PGK1: variants seen among roughly 807,000 people sequenced by gnomAD.
PGK1 encodes the protein PRP 2.
In PGK1, 3 loss-of-function variants were observed where a neutral mutation model predicts 26.9. That is an observed-to-expected ratio of 0.11 (90% CI 0.05 to 0.29). The LOEUF (loss-of-function observed/expected upper bound fraction) is 0.29, where lower values mean the gene tolerates loss of function less well. Ranked by LOEUF, PGK1 falls within the 10% of genes least tolerant of loss-of-function variation. The pLI, the probability that PGK1 is intolerant of heterozygous loss-of-function variation, is 1.00. For synonymous variants in PGK1, 125 were observed against 115.3 expected, an observed-to-expected ratio of 1.08 and a Z score of -0.54; for missense variants, 270 against 314.7, an observed-to-expected ratio of 0.86 and a Z score of 1.07.
chrX:78,125,439 G>GT lies in PGK1; in HGVS notation c.1213+20dup. On this transcript the variant is annotated intron_variant, in intron 10 of 10. Coordinates refer to ENST00000373316, the MANE Select transcript of PGK1 (RefSeq NM_000291.4). Reference sequence around the variant, plus strand: ...AGCTCCTGGAAGGTGAGGGTCTTCTGTTTTTTGGCTTGTTTGGGATAAGGG... The same window carrying GT: ...AGCTCCTGGAAGGTGAGGGTCTTCTGTTTTTTTGGCTTGTTTGGGATAAGGG... The GT allele has an allele frequency of 1.8e-6, 2 of 1,121,795 alleles. No individual in the cohort carries two copies. The highest frequency in any genetic ancestry group is 1.2e-6 in the Non-Finnish European group (1 of 813,744). The allele number at this position is 1,121,795 out of a possible 1,213,427, so 92.4% of individuals were successfully genotyped here.
In PGK1 at chrX:78,113,982, C is replaced by T. The variant is rs181866014; in HGVS notation, c.273-34C>T. 734 of 1,206,974 alleles carry T rather than the reference C, an allele frequency of 6.1e-4. 1 individual carries two copies. The highest frequency in any genetic ancestry group is 8.3e-4 in the Admixed American group (38 of 45,714). On this transcript the variant is annotated intron_variant, in intron 3 of 10. Coordinates refer to ENST00000373316, the MANE Select transcript of PGK1 (RefSeq NM_000291.4). ...TTGTTACTGGTTTTTAACTTTCATA[C>T]TGCTCAAGTGTCTTCATCTCTTCCT...
chrX:78,117,507 A>G, intron 5 of PGK1, 92 bp downstream of exon 5: 1 of 596,529 alleles, frequency 1.7e-6, no homozygotes, highest in African/African-American at 2.2e-5. Flanking sequence ...AGAGTTTTGT[A>G]TTATACTGTA....
intron 2 of PGK1, among the ~76,000 whole-genome samples, chrX:78,111,598 C>A (rs888591500): frequency 1.8e-5 from 2 of 112,206 alleles, no homozygotes; most frequent in African/African-American, 6.5e-5. Context: ...TCAACAGACA[C>A]ACATGACTAA....
At chrX:78,109,739 T>C in intron 1 of PGK1, 128 bp from the exon 2 acceptor site, 1 of 548,370 alleles carries the variant, frequency 1.8e-6, no homozygotes, top group South Asian at 2.4e-5. Context: ...TTTTGACTTT[T>C]AATGCCACTG....
chrX:78,121,801 C>T (rs1187566398), intron 6 of PGK1, among the ~76,000 whole-genome samples: 1 of 112,082 alleles, frequency 8.9e-6, no homozygotes, highest in Non-Finnish European at 1.9e-5. Context: ...TTTCTGTTGC[C>T]TTTGCCCTGT....
At chrX:78,106,744 G>C (rs782541119) in intron 1 of PGK1, 19 of 367,967 alleles carry the variant, frequency 5.2e-5, no homozygotes, top group Non-Finnish European at 6.6e-5. Context: ...GGACTCCGCA[G>C]TTGACTTTAC....
rs1557248755 is a variant in PGK1, at chrX:78,126,782, T to TC, written c.*952_*953insC. On this transcript the variant is annotated 3_prime_UTR_variant, in exon 11 of 11. Transcript: ENST00000373316. ...TTAGATCAAAAGTCTACATAACTAA[T>TC]ACAGCTGAGCTATGTAGTATGCTAT... 9.0e-6 allele frequency: 1 copy of TC among 111,063 alleles called. No individual in the cohort carries two copies. Among genetic ancestry groups the TC allele is most frequent in the African/African-American group, 3.3e-5 (1 of 30,438 alleles). 9.2% of individuals were successfully genotyped at this position (111,063 alleles called of 1,213,427 possible).
rs2078381188 is a variant in PGK1, at chrX:78,125,920, T to C, written c.*90T>C. 1 of 768,550 alleles carries C rather than the reference T, an allele frequency of 1.3e-6. No individual in the cohort carries two copies. Among genetic ancestry groups the C allele is most frequent in the Non-Finnish European group, 2.0e-6 (1 of 492,120 alleles). 63.3% of individuals were successfully genotyped at this position (768,550 alleles called of 1,213,427 possible). On this transcript the variant is annotated 3_prime_UTR_variant, in exon 11 of 11. Coordinates refer to ENST00000373316, the MANE Select transcript of PGK1 (RefSeq NM_000291.4). ...ACTTGGCATTAGCTAAAACCTTCCA[T>C]GTCAAGATTCAGCTAGTGGCCAAGA...
chrX:78,113,891 G>A lies in PGK1; in HGVS notation c.264G>A (p.Leu88=), dbSNP rs782045605. 3.3e-6 allele frequency: 4 copies of A among 1,211,673 alleles called. No individual in the cohort carries two copies. In the Admixed American group the frequency reaches 8.7e-5, roughly 26 times the overall value. ...LEPVAVELKS[L]LGKDVLFLKD... ...CAGTTGCTGTAGAACTCAAATCTCT[G>A]CTGGGCAAGTAAGTGCCAGGCTCTG... The change falls in exon 3 of 11, where the codon CTG becomes CTA. Residue 88 remains leucine (L), a synonymous_variant. Transcript: ENST00000373316.
intron 2 of PGK1, among the ~76,000 whole-genome samples, chrX:78,111,994 T>C (rs938281527): frequency 8.9e-6 from 1 of 112,274 alleles, no homozygotes; most frequent in African/African-American, 3.2e-5. Flanking sequence ...GGAGTTCTTA[T>C]ATCTGCTAAA....
At chrX:78,122,790 C>G (rs782288498) in intron 6 of PGK1, 45 bp from the exon 7 acceptor site, 1 of 733,047 alleles carries the variant, frequency 1.4e-6, no homozygotes, top group East Asian at 3.2e-5. Flanking sequence ...TACCACTTCT[C>G]TAGTCCATTC....
rs183250375 is a variant in PGK1 at position 78,107,486 on chromosome X, A to G, written c.66-2381A>G. ...AAAAATACTATACAGATTGAATCACATGGTATATAACCTTTTGGGATTAAC... is the reference window on the plus strand; with the variant it reads ...AAAAATACTATACAGATTGAATCACGTGGTATATAACCTTTTGGGATTAAC... On this transcript the variant is annotated intron_variant, in intron 1 of 10. Transcript: ENST00000373316. 1.0e-3 allele frequency among the ~76,000 whole-genome samples: 116 copies of G among 112,257 alleles called. No homozygotes were observed. In the Middle Eastern group the frequency reaches 0.014, roughly 13 times the overall value.
chrX:78,117,263 T>C (rs2078331067), intron 4 of PGK1, 49 bp from the exon 5 acceptor site: 1 of 858,952 alleles, frequency 1.2e-6, no homozygotes, highest in African/African-American at 2.0e-5. Flanking sequence ...AATGCTTTTA[T>C]AGTTGTCTTT....
chrX:78,123,600 T>C (rs1196139358), intron 8 of PGK1, among the ~76,000 whole-genome samples: 2 of 106,586 alleles, frequency 1.9e-5, no homozygotes, highest in Non-Finnish European at 3.9e-5. Flanking sequence ...TGCAAAACTT[T>C]GTTGTTGTTG....
intron 8 of PGK1, among the ~76,000 whole-genome samples, chrX:78,123,609 T>TG (rs1557248296): frequency 9.5e-6 from 1 of 104,864 alleles, no homozygotes; most frequent in Non-Finnish European, 2.0e-5. Context: ...TTGTTGTTGT[T>TG]GTTTTTTTTT....
intron 1 of PGK1, 54 bp from the exon 2 acceptor site, chrX:78,109,813 C>G (rs1603396695): frequency 1.2e-6 from 1 of 822,219 alleles, no homozygotes; most frequent in Non-Finnish European, 1.9e-6. Flanking sequence ...AATGCATCTC[C>G]TAGTCTTTGA....
In PGK1 at chrX:78,123,184, C is replaced by A; in HGVS notation, c.757-11C>A. The A allele has an allele frequency of 8.3e-7, 1 of 1,199,265 alleles. No homozygotes were observed. The highest frequency in any genetic ancestry group is 1.7e-5 in the African/African-American group (1 of 57,515). ...GATGCTGACCTCCATCATTTTGGCT[C>A]CCCTGTGTAGATTGGCACTTCTCTG... On this transcript the variant is annotated splice_polypyrimidine_tract_variant and intron_variant, in intron 7 of 10. Transcript: ENST00000373316.
intron 4 of PGK1, 122 bp downstream of exon 4, chrX:78,114,282 C>G (rs2078315840): frequency 1.4e-6 from 1 of 706,151 alleles, no homozygotes; most frequent in African/African-American, 2.1e-5. Flanking sequence ...GCATACAATG[C>G]CGACACAGCT....
At chrX:78,117,188 TAA>T in intron 4 of PGK1, 122 bp from the exon 5 acceptor site, 1 of 529,970 alleles carries the variant, frequency 1.9e-6, no homozygotes, top group Non-Finnish European at 3.4e-6. Context: ...CTGCTGGTTG[TAA>T]AAAATCGCTG....
Sources: allele counts gnomAD v4.1 joint callset (sites outside exome capture counted in the v4.1 genomes callset), GRCh38; gene constraint gnomAD v4.1.1; transcripts MANE v1.5; gene names NCBI Gene and HGNC (gene_info 2026-07-23, HGNC 2026-07-21).